TIPIN: variants seen among roughly 807,000 people sequenced by gnomAD.
TIPIN encodes TIMELESS interacting protein, also known as TIMELESS-interacting protein.
TIPIN carries 29 observed loss-of-function variants against 35.6 expected under a neutral mutation model. That is an observed-to-expected ratio of 0.82 (90% CI 0.61 to 1.11). TIPIN has a LOEUF of 1.11. Ranked by LOEUF, TIPIN falls within the 50% of genes most tolerant of loss-of-function variation. The pLI, the probability that TIPIN is intolerant of heterozygous loss-of-function variation, is 0.00. For missense variants in TIPIN, 296 were observed against 345.4 expected (o/e 0.86, Z 1.13); for synonymous variants, 102 against 121.5 (o/e 0.84, Z 1.06).
chr15:66,368,021 A>G lies in TIPIN; in HGVS notation c.-8-15066T>C, dbSNP rs892101142. ...ACTAATTTTTGTATTTTTAGTAGAG[A>G]TGAGGTTTCACTATGTTGGCCAGGC... On this transcript the variant is annotated intron_variant, in intron 1 of 7. Coordinates refer to the TIPIN transcript ENST00000562124. Among the ~76,000 whole-genome samples, 5 of 151,294 alleles carry G rather than the reference A, an allele frequency of 3.3e-5. No homozygotes were observed. In the East Asian group the frequency reaches 9.8e-4, roughly 30 times the overall value.
chr15:66,338,305 C>T (rs1036464288), intron 7 of TIPIN, among the ~76,000 whole-genome samples: 16 of 152,026 alleles, frequency 1.1e-4, no homozygotes, highest in African/African-American at 3.4e-4. Context: ...AAACCAAGTG[C>T]GTTTAGGTTT....
intron 1 of TIPIN, among the ~76,000 whole-genome samples, chr15:66,380,206 G>A (rs931251849): frequency 6.7e-6 from 1 of 150,276 alleles, no homozygotes; most frequent in Admixed American, 6.6e-5. Context: ...GTGTTTCACC[G>A]TGTTAGCCAG....
At chr15:66,365,573 G>A (rs1266303352) in intron 1 of TIPIN, among the ~76,000 whole-genome samples, 4 of 152,084 alleles carry the variant, frequency 2.6e-5, no homozygotes, top group African/African-American at 9.7e-5. Flanking sequence ...TTGAGACGGA[G>A]TTTAGCTCTG....
At chr15:66,345,453 G>T (rs62627313) in intron 6 of TIPIN, among the ~76,000 whole-genome samples, 1 of 152,032 alleles carries the variant, frequency 6.6e-6, no homozygotes, top group Non-Finnish European at 1.5e-5. Context: ...ACTGGCTCAC[G>T]CCTGTAACTC....
upstream of TIPIN, among the ~76,000 whole-genome samples, chr15:66,360,726 G>T (rs1197599806): frequency 6.6e-6 from 1 of 152,130 alleles, no homozygotes. Context: ...CAGCACTTTG[G>T]GAGCCCAAGG....
At chr15:66,369,639 C>G (rs1443589977) in intron 1 of TIPIN, among the ~76,000 whole-genome samples, 4 of 152,100 alleles carry the variant, frequency 2.6e-5, no homozygotes, top group Non-Finnish European at 5.9e-5. Context: ...TGAGCCACCA[C>G]GCCCGGCCTT....
chr15:66,361,378 C>T (rs866969655), upstream of TIPIN, among the ~76,000 whole-genome samples: 1 of 151,208 alleles, frequency 6.6e-6, no homozygotes, highest in Non-Finnish European at 1.5e-5. Flanking sequence ...GCCTCAGTCT[C>T]CTGAGTAGCT....
rs985306628 is a variant in TIPIN, at chr15:66,379,528, G to A, written c.-9+7079C>T. ...TGAGATACTGAACAAGCAACACCTGGTCTCATCCGCACCCTGCGGATGTAT... is the reference window on the plus strand; with the variant it reads ...TGAGATACTGAACAAGCAACACCTGATCTCATCCGCACCCTGCGGATGTAT... On this transcript the variant is annotated intron_variant, in intron 1 of 7. Transcript: ENST00000562124. 103 of 1,610,230 alleles carry A rather than the reference G, an allele frequency of 6.4e-5. 1 individual carries two copies. The Admixed American group carries it at 1.7e-3, about 26-fold the overall frequency.
chr15:66,356,723 G>A, upstream of TIPIN: 2 of 985,434 alleles, frequency 2.0e-6, no homozygotes, highest in Non-Finnish European at 2.4e-6. Flanking sequence ...CTCCTGGGGC[G>A]AGAAGGGCCC....
intron 6 of TIPIN, among the ~76,000 whole-genome samples, chr15:66,342,931 T>C (rs62627319): frequency 0.048 from 7,254 of 152,270 alleles, 292 homozygotes; most frequent in East Asian, 0.2. Flanking sequence ...AGAAAAACTA[T>C]GTTTTACTAA....
chr15:66,382,246 G>T, intron 1 of TIPIN: 1 of 550,756 alleles, frequency 1.8e-6, no homozygotes, highest in Non-Finnish European at 2.3e-6. Flanking sequence ...CTGATGCTCA[G>T]AGAGGGTAAG....
Position 66,356,663 on chromosome 15 carries a change from G to A in TIPIN, c.-33C>T, listed in dbSNP as rs554241030. 1.0e-6 allele frequency: 1 copy of A among 985,694 alleles called. No homozygotes were observed. Among genetic ancestry groups the A allele is most frequent in the Non-Finnish European group, 1.2e-6 (1 of 830,142 alleles). The allele number at this position is 985,694 out of a possible 1,614,324, so 61.1% of individuals were successfully genotyped here. On this transcript the variant is annotated 5_prime_UTR_variant, in exon 1 of 8. Transcript: ENST00000261881. ...CCTCACGCAGAAAACACGGGACACA[G>A]CGCGGACCTCGGCGTGCAGACTAAG...
At chr15:66,348,921 G>C (rs950487086) in intron 6 of TIPIN, 139 bp downstream of exon 6, 2 of 665,268 alleles carry the variant, frequency 3.0e-6, no homozygotes, top group East Asian at 2.8e-5. Context: ...CTCCAGACTG[G>C]GTGACAGAGC....
intron 1 of TIPIN, among the ~76,000 whole-genome samples, chr15:66,384,627 T>C (rs1272280608): frequency 6.6e-6 from 1 of 152,000 alleles, no homozygotes; most frequent in African/African-American, 2.4e-5. Flanking sequence ...AAACTATGAG[T>C]TCAGGCCGGG....
chr15:66,363,426 G>A (rs1457921691), intron 1 of TIPIN, among the ~76,000 whole-genome samples: 1 of 152,040 alleles, frequency 6.6e-6, no homozygotes, highest in Non-Finnish European at 1.5e-5. Flanking sequence ...GGCGGATCAC[G>A]AGGTCAGGAG....
At chr15:66,367,132 A>G (rs969617093) in intron 1 of TIPIN, among the ~76,000 whole-genome samples, 1 of 151,846 alleles carries the variant, frequency 6.6e-6, no homozygotes, top group African/African-American at 2.4e-5. Context: ...ATGAACCAAG[A>G]TCGCGCCACT....
At chr15:66,359,650 A>G (rs941175129), upstream of TIPIN, among the ~76,000 whole-genome samples, 2 of 152,172 alleles carry the variant, frequency 1.3e-5, no homozygotes, top group Non-Finnish European at 2.9e-5. Flanking sequence ...CACCAGGCCT[A>G]AAAGTTACAT....
intron 6 of TIPIN, chr15:66,348,247 C>G (rs2093140951): frequency 6.6e-6 from 1 of 151,938 alleles, no homozygotes; most frequent in South Asian, 2.1e-4. Flanking sequence ...TTCAAGTAAT[C>G]CTACCTCCAT....
rs573461004 is a variant in TIPIN, at chr15:66,352,923, C to T, written c.25G>A (p.Val9Met). The T allele has an allele frequency of 3.0e-5, 49 of 1,613,666 alleles. No individual in the cohort carries two copies. The highest frequency in any genetic ancestry group is 3.8e-5 in the Non-Finnish European group (45 of 1,179,886). ...TGCTCATAATCTGGTAGGTCAATCA[C>T]GCCATTCTCCTGTGGTTCTAGCATC... MLEPQENGVIDLPDYEHVE... is the reference protein window; with the variant it reads MLEPQENGMIDLPDYEHVE... The change falls in exon 2 of 8, where the codon GTG (valine) becomes ATG (methionine). Residue 9 changes from valine to methionine, a missense_variant. By Grantham distance (21) the Val-to-Met change is conservative. Coordinates refer to ENST00000261881, the MANE Select transcript of TIPIN (RefSeq NM_017858.3).
Sources: gnomAD v4.1 joint callset for allele counts (sites outside exome capture counted in the v4.1 genomes callset) on GRCh38, gnomAD v4.1.1 for gene constraint, MANE v1.5 for transcripts, NCBI Gene and HGNC (gene_info 2026-07-23, HGNC 2026-07-21) for gene names.